PAIP2B: variants seen among roughly 807,000 people sequenced by gnomAD.
The protein encoded by PAIP2B is polyadenylate-binding protein-interacting protein 2B.
PAIP2B carries 13 observed loss-of-function variants against 17.0 expected under a neutral mutation model. The observed-to-expected ratio is 0.76, with a 90% confidence interval of 0.50 to 1.22. PAIP2B has a LOEUF of 1.22. Ranked by LOEUF, PAIP2B falls within the 50% of genes most tolerant of loss-of-function variation. The pLI is 0.00. For missense variants in PAIP2B, 117 were observed against 144.5 expected, an observed-to-expected ratio of 0.81 and a Z score of 0.98; for synonymous variants, 43 against 48.7, an observed-to-expected ratio of 0.88 and a Z score of 0.48.
At chr2:71,203,493 C>T (rs1675040085) in intron 1 of PAIP2B, among the ~76,000 whole-genome samples, 1 of 151,978 alleles carries the variant, frequency 6.6e-6, no homozygotes, top group African/African-American at 2.4e-5. Flanking sequence ...TGCCCGTTTC[C>T]CAACATTCAT....
chr2:71,201,002 T>G (rs1572927501), intron 2 of PAIP2B, among the ~76,000 whole-genome samples: 2 of 28,364 alleles, frequency 7.1e-5, no homozygotes, highest in South Asian at 7.2e-3. Context: ...TCTCTTTGTG[T>G]GTGTGGGTGT....
chr2:71,184,893 C>T lies in PAIP2B; in HGVS notation c.*3586G>A, dbSNP rs527614865. On this transcript the variant is annotated 3_prime_UTR_variant, in exon 4 of 4. Coordinates refer to ENST00000244221, the MANE Select transcript of PAIP2B (RefSeq NM_020459.1). ...TTGGTCAAATCTGTCAGATTTCTAACAGTTTCAATACCTCAATATCACCTA... is the reference window on the plus strand; with the variant it reads ...TTGGTCAAATCTGTCAGATTTCTAATAGTTTCAATACCTCAATATCACCTA... 70 of 152,256 alleles carry T rather than the reference C, an allele frequency of 4.6e-4. No individual in the cohort carries two copies. Among genetic ancestry groups the T allele is most frequent in the African/African-American group, 1.6e-3 (66 of 41,540 alleles). 9.4% of individuals were successfully genotyped at this position (152,256 alleles called of 1,614,324 possible). A position where few individuals can be genotyped will look rare whatever the true frequency, so the allele number is the denominator to read the frequency against.
rs1246990182 is a variant in PAIP2B, at chr2:71,186,169, G to A, written c.*2310C>T. 6.6e-6 allele frequency: 1 copy of A among 152,190 alleles called. No individual in the cohort carries two copies. Among genetic ancestry groups the A allele is most frequent in the African/African-American group, 2.4e-5 (1 of 41,434 alleles). 9.4% of individuals were successfully genotyped at this position (152,190 alleles called of 1,614,324 possible). A position where few individuals can be genotyped will look rare whatever the true frequency, so the allele number is the denominator to read the frequency against. ...GGCTCCCAGCCTTTCCCCAGTGAAGGTCCAACAAGACACACATGCATTTTC... is the reference window on the plus strand; with the variant it reads ...GGCTCCCAGCCTTTCCCCAGTGAAGATCCAACAAGACACACATGCATTTTC... On this transcript the variant is annotated 3_prime_UTR_variant, in exon 4 of 4. Transcript: ENST00000244221.
intron 1 of PAIP2B, among the ~76,000 whole-genome samples, chr2:71,205,774 G>A (rs115526504): frequency 9.1e-4 from 139 of 152,304 alleles, no homozygotes; most frequent in Non-Finnish European, 1.6e-3. Context: ...GTCTAGTGTA[G>A]TGAGGACAAA....
chr2:71,213,341 T>C (rs912713733), intron 1 of PAIP2B, among the ~76,000 whole-genome samples: 1 of 152,098 alleles, frequency 6.6e-6, no homozygotes, highest in Non-Finnish European at 1.5e-5. Flanking sequence ...ACATCTGTAA[T>C]GAGGTAGAGA....
intron 1 of PAIP2B, among the ~76,000 whole-genome samples, chr2:71,207,945 T>C (rs1483606387): frequency 6.6e-6 from 1 of 152,144 alleles, no homozygotes; most frequent in Non-Finnish European, 1.5e-5. Context: ...AATGGTGATG[T>C]TAAGTAGGTT....
At chr2:71,206,445 A>C (rs568795404) in intron 1 of PAIP2B, among the ~76,000 whole-genome samples, 2 of 152,320 alleles carry the variant, frequency 1.3e-5, no homozygotes, top group East Asian at 3.9e-4. Flanking sequence ...GAAAGCTCAC[A>C]ACCCTGTTAA....
chr2:71,197,948 GAC>G (rs1674865777), intron 2 of PAIP2B, among the ~76,000 whole-genome samples: 1 of 152,196 alleles, frequency 6.6e-6, no homozygotes, highest in Non-Finnish European at 1.5e-5. Flanking sequence ...TTTGGGTGGT[GAC>G]ACAGAGCCAA....
At position 71,227,087 on chromosome 2, in the gene PAIP2B, A is replaced by C. The variant is rs1295339982; in HGVS notation, c.-171T>G. The C allele has an allele frequency of 6.5e-6, 1 of 153,046 alleles. No homozygotes were observed. Among genetic ancestry groups the C allele is most frequent in the East Asian group, 1.9e-4 (1 of 5,186 alleles). 9.5% of individuals were successfully genotyped at this position (153,046 alleles called of 1,614,324 possible). A position where few individuals can be genotyped will look rare whatever the true frequency, so the allele number is the denominator to read the frequency against. On this transcript the variant is annotated 5_prime_UTR_variant, in exon 1 of 4. Transcript: ENST00000244221. ...AAGCGCCACTACCACTTGCCAGGTT[A>C]TCTCTTACTGCACACTGCCTCCTCG...
intron 1 of PAIP2B, among the ~76,000 whole-genome samples, chr2:71,203,628 G>A (rs900356893): frequency 3.2e-4 from 48 of 151,772 alleles, no homozygotes; most frequent in African/African-American, 1.1e-3. Context: ...TTCTTATTCT[G>A]TAATTTTACT....
intron 3 of PAIP2B, 64 bp from the exon 4 acceptor site, chr2:71,188,599 C>G: frequency 7.4e-7 from 1 of 1,354,012 alleles, no homozygotes; most frequent in Admixed American, 2.0e-5. Context: ...TTACCCAGTC[C>G]ATCATTATCA....
At chr2:71,204,239 C>T (rs1025804745) in intron 1 of PAIP2B, among the ~76,000 whole-genome samples, 2 of 152,100 alleles carry the variant, frequency 1.3e-5, no homozygotes, top group African/African-American at 4.8e-5. Flanking sequence ...TCTCTTCAAC[C>T]TTGACTCCAT....
Position 71,183,070 on chromosome 2 carries a change from C to A in PAIP2B, c.*5409G>T, listed in dbSNP as rs1403384507. 2.4e-4 allele frequency: 18 copies of A among 76,184 alleles called. No homozygotes were observed. Among genetic ancestry groups the A allele is most frequent in the African/African-American group, 9.7e-4 (18 of 18,572 alleles). 4.7% of individuals were successfully genotyped at this position (76,184 alleles called of 1,614,324 possible). On this transcript the variant is annotated 3_prime_UTR_variant, in exon 4 of 4. Transcript: ENST00000244221. ...CAAGAGCTGAGCAGCCCTGCACAGACCCTGGGGGGCTTCCTGTTCCACAAG... is the reference window on the plus strand; with the variant it reads ...CAAGAGCTGAGCAGCCCTGCACAGAACCTGGGGGGCTTCCTGTTCCACAAG...
intron 1 of PAIP2B, among the ~76,000 whole-genome samples, chr2:71,222,170 C>G (rs1675599179): frequency 2.0e-5 from 3 of 152,144 alleles, no homozygotes; most frequent in Admixed American, 1.3e-4. Flanking sequence ...TCAGTGAGAC[C>G]GTGAACCCAC....
intron 1 of PAIP2B, among the ~76,000 whole-genome samples, chr2:71,207,461 T>C (rs992861139): frequency 2.6e-5 from 4 of 152,110 alleles, no homozygotes; most frequent in African/African-American, 9.7e-5. Flanking sequence ...CATGAAGGAT[T>C]TTGGATTTCA....
intron 1 of PAIP2B, among the ~76,000 whole-genome samples, chr2:71,209,467 A>G (rs910609966): frequency 8.5e-5 from 13 of 152,202 alleles, no homozygotes; most frequent in Non-Finnish European, 1.9e-4. Flanking sequence ...CAAAATCCAA[A>G]TGCCTGGGAT....
intron 2 of PAIP2B, among the ~76,000 whole-genome samples, chr2:71,192,599 C>G (rs1479499964): frequency 6.6e-6 from 1 of 152,034 alleles, no homozygotes; most frequent in African/African-American, 2.4e-5. Flanking sequence ...CTCCCACCCA[C>G]CCCCGTCAAG....
chr2:71,207,189 C>T (rs956023693), intron 1 of PAIP2B, among the ~76,000 whole-genome samples: 3 of 151,990 alleles, frequency 2.0e-5, no homozygotes, highest in African/African-American at 7.3e-5. Flanking sequence ...CAACAGGGGG[C>T]CCAATCTAGT....
rs1354279669 is a variant in PAIP2B, at chr2:71,183,522, A to G, written c.*4957T>C. On this transcript the variant is annotated 3_prime_UTR_variant, in exon 4 of 4. Transcript: ENST00000244221. ...GTTCGGAGGGTTCCGTTTAGACAAC[A>G]GGAAGTTGGAATCCAAGTTTAAAAG... is the stretch of plus-strand genomic sequence containing the variant. 1 of 137,010 alleles carries G rather than the reference A, an allele frequency of 7.3e-6. No homozygotes were observed. Among genetic ancestry groups the G allele is most frequent in the Non-Finnish European group, 1.5e-5 (1 of 64,698 alleles). The allele number at this position is 137,010 out of a possible 1,614,324, so 8.5% of individuals were successfully genotyped here.
Sources: gnomAD v4.1 joint callset for allele counts (sites outside exome capture counted in the v4.1 genomes callset) on GRCh38, gnomAD v4.1.1 for gene constraint, MANE v1.5 for transcripts, NCBI Gene and HGNC (gene_info 2026-07-23, HGNC 2026-07-21) for gene names.